Variants in ADAMTS12 observed in about 807,000 individuals in gnomAD.
ADAMTS12 encodes ADAM metallopeptidase with thrombospondin type 1 motif 12.
ADAMTS12 carries 118 observed loss-of-function variants against 167.8 expected under a neutral mutation model. The observed-to-expected ratio is 0.70, with a 90% CI of 0.61 to 0.82. The LOEUF is 0.82. Among genes scored for constraint, ADAMTS12 ranks in the 40% least tolerant of loss-of-function variants. The pLI is 0.00. For missense variants in ADAMTS12, 1,916 were observed against 1,998.8 expected (o/e 0.96, Z 0.79); for synonymous variants, 704 against 716.9 (o/e 0.98, Z 0.29).
intron 2 of ADAMTS12, among the ~76,000 whole-genome samples, chr5:33,826,884 T>C (rs1212919930): frequency 6.6e-6 from 1 of 152,158 alleles, no homozygotes; most frequent in Non-Finnish European, 1.5e-5. Flanking sequence ...TCAGCTACAT[T>C]GCCAGGCATT....
intron 5 of ADAMTS12, among the ~76,000 whole-genome samples, chr5:33,682,267 T>C (rs1051589388): frequency 1.2e-4 from 19 of 152,168 alleles, no homozygotes; most frequent in African/African-American, 4.6e-4. Context: ...AAGGTGGTGA[T>C]TTGGGGAATG....
intron 22 of ADAMTS12, among the ~76,000 whole-genome samples, chr5:33,536,654 CATT>C (rs1744427022): frequency 1.3e-5 from 2 of 152,322 alleles, no homozygotes; most frequent in African/African-American, 4.8e-5. Context: ...ACCACTCTCT[CATT>C]ATCCCTCCAT....
At chr5:33,818,564 G>A (rs1211297422) in intron 2 of ADAMTS12, among the ~76,000 whole-genome samples, 2 of 116,178 alleles carry the variant, frequency 1.7e-5, no homozygotes, top group South Asian at 2.7e-4. Flanking sequence ...GTATGAGGTG[G>A]TGATTTCCTC....
chr5:33,641,055 C>T (rs1346956976), intron 11 of ADAMTS12, among the ~76,000 whole-genome samples: 1 of 151,740 alleles, frequency 6.6e-6, no homozygotes, highest in Non-Finnish European at 1.5e-5. Context: ...AATATAATTT[C>T]CACTTAAAGG....
chr5:33,723,578 A>T (rs1743876055), intron 3 of ADAMTS12, among the ~76,000 whole-genome samples: 1 of 152,226 alleles, frequency 6.6e-6, no homozygotes, highest in South Asian at 2.1e-4. Context: ...CACATCAGTT[A>T]CAACCTGGGT....
In ADAMTS12 at chr5:33,552,035, C is replaced by A. The variant is rs186836501; in HGVS notation, c.4126-2652G>T. 4.6e-5 allele frequency among the ~76,000 whole-genome samples: 7 copies of A among 152,322 alleles called. No individual in the cohort carries two copies. In the South Asian group the frequency reaches 8.3e-4, roughly 18 times the overall value. On this transcript the variant is annotated intron_variant, in intron 20 of 23. Transcript: ENST00000504830. ...AGACTGGTAAATGCCCTGTTGAAAC[C>A]AAACAGGTCTGATAGTATCCAGTTA...
At chr5:33,547,746 G>A (rs146147839) in intron 21 of ADAMTS12, among the ~76,000 whole-genome samples, 20 of 152,236 alleles carry the variant, frequency 1.3e-4, no homozygotes, top group African/African-American at 4.3e-4. Flanking sequence ...GAAACATAAA[G>A]AATAGACCTT....
At chr5:33,614,844 G>A (rs1665673158) in intron 15 of ADAMTS12, among the ~76,000 whole-genome samples, 1 of 152,164 alleles carries the variant, frequency 6.6e-6, no homozygotes, top group South Asian at 2.1e-4. Flanking sequence ...TTGTTGTGAG[G>A]GTTAAATGAG....
chr5:33,872,567 G>T (rs1001515281), intron 2 of ADAMTS12, among the ~76,000 whole-genome samples: 4 of 150,224 alleles, frequency 2.7e-5, no homozygotes, highest in African/African-American at 9.8e-5. Flanking sequence ...AAGAAAGAAA[G>T]AAAAGAAAAG....
intron 2 of ADAMTS12, among the ~76,000 whole-genome samples, chr5:33,810,991 T>C (rs1302386304): frequency 1.3e-5 from 2 of 152,306 alleles, no homozygotes; most frequent in Non-Finnish European, 2.9e-5. Flanking sequence ...CTGTTTGATG[T>C]GGGGGATGAC....
chr5:33,670,473 G>A (rs1280608872), intron 5 of ADAMTS12, among the ~76,000 whole-genome samples: 1 of 152,192 alleles, frequency 6.6e-6, no homozygotes, highest in African/African-American at 2.4e-5. Context: ...CGGGCGCGGT[G>A]TCTCACACCT....
intron 2 of ADAMTS12, among the ~76,000 whole-genome samples, chr5:33,841,794 A>T (rs1191184173): frequency 1.3e-5 from 2 of 152,234 alleles, no homozygotes; most frequent in African/African-American, 4.8e-5. Context: ...ATTTGTGCTG[A>T]GTCCTAGATG....
chr5:33,805,151 T>C (rs1747173726), intron 2 of ADAMTS12, among the ~76,000 whole-genome samples: 1 of 152,198 alleles, frequency 6.6e-6, no homozygotes, highest in African/African-American at 2.4e-5. Flanking sequence ...CTATGCTTTA[T>C]ACACAGCCCT....
intron 1 of ADAMTS12, among the ~76,000 whole-genome samples, chr5:33,890,757 T>C (rs558662077): frequency 6.6e-6 from 1 of 152,218 alleles, no homozygotes; most frequent in South Asian, 2.1e-4. Context: ...TACAGGACAG[T>C]GCTGCATGAT....
intron 22 of ADAMTS12, 97 bp downstream of exon 22, chr5:33,545,962 T>C (rs1744958161): frequency 6.9e-7 from 1 of 1,454,802 alleles, no homozygotes; most frequent in Non-Finnish European, 9.2e-7. Flanking sequence ...TATACCTATG[T>C]AACAAACCTG....
intron 3 of ADAMTS12, among the ~76,000 whole-genome samples, chr5:33,716,312 C>T (rs1020188181): frequency 1.3e-5 from 2 of 152,068 alleles, no homozygotes; most frequent in African/African-American, 2.4e-5. Flanking sequence ...TTCTTGGTTT[C>T]CTGAACTGTT....
intron 2 of ADAMTS12, among the ~76,000 whole-genome samples, chr5:33,863,540 T>G (rs1483830700): frequency 2.0e-5 from 3 of 150,782 alleles, no homozygotes; most frequent in Admixed American, 2.0e-4. Flanking sequence ...AAGGAAATAA[T>G]GAGGACACAA....
intron 3 of ADAMTS12, among the ~76,000 whole-genome samples, chr5:33,705,885 C>T (rs1015485565): frequency 6.6e-6 from 1 of 151,884 alleles, no homozygotes. Flanking sequence ...CCTTAAATAG[C>T]TACAAAAAAT....
chr5:33,669,138 C>T (rs1161514960), intron 5 of ADAMTS12, among the ~76,000 whole-genome samples: 2 of 152,090 alleles, frequency 1.3e-5, no homozygotes, highest in Non-Finnish European at 2.9e-5. Context: ...CATAAACTTT[C>T]GAACAAATAA....
Sources: allele counts gnomAD v4.1 joint callset (sites outside exome capture counted in the v4.1 genomes callset), GRCh38; gene constraint gnomAD v4.1.1; transcripts MANE v1.5; gene names NCBI Gene and HGNC (gene_info 2026-07-23, HGNC 2026-07-21).